SPOPL: variants seen among roughly 807,000 people sequenced by gnomAD.
SPOPL encodes speckle-type POZ protein-like.
In SPOPL, 23 loss-of-function variants were observed where a neutral mutation model predicts 53.8. The observed-to-expected ratio is 0.43, with a 90% CI of 0.31 to 0.61. The LOEUF is 0.61. Ranked by LOEUF, SPOPL falls within the 20% of genes least tolerant of loss-of-function variation. The probability of loss-of-function intolerance (pLI) is 0.12; values close to 1 mark genes in which losing one functional copy is unlikely to be tolerated. For missense variants in SPOPL, 442 were observed against 466.9 expected, an observed-to-expected ratio of 0.95 and a Z score of 0.49; for synonymous variants, 164 against 149.7, an observed-to-expected ratio of 1.10 and a Z score of -0.70.
At chr2:138,527,241 T>C (rs973261535) in intron 1 of SPOPL, among the ~76,000 whole-genome samples, 4 of 152,180 alleles carry the variant, frequency 2.6e-5, no homozygotes, top group African/African-American at 7.2e-5. Flanking sequence ...GAGGCCTGTC[T>C]ATGAACTTGT....
chr2:138,569,143 T>C lies in SPOPL; in HGVS notation c.*63T>C. ...CACTCCTCCAGGTCCAGAAGGATTC[T>C]AATACACAAACCATAAGCAAGAGTT... On this transcript the variant is annotated 3_prime_UTR_variant, in exon 11 of 11. Coordinates refer to ENST00000280098, the MANE Select transcript of SPOPL (RefSeq NM_001001664.3). The C allele has an allele frequency of 6.5e-7, 1 of 1,544,284 alleles. No individual in the cohort carries two copies. The highest frequency in any genetic ancestry group is 8.8e-7 in the Non-Finnish European group (1 of 1,131,086).
chr2:138,560,718 T>C, intron 7 of SPOPL, 87 bp from the exon 8 acceptor site: 1 of 1,413,098 alleles, frequency 7.1e-7, no homozygotes, highest in South Asian at 1.4e-5. Flanking sequence ...GATTTAGGGC[T>C]TTTAAATTAC....
At position 138,505,594 on chromosome 2, in the gene SPOPL, T is replaced by TAAAAA. The variant is rs1169614974; in HGVS notation, c.-61+3499_-61+3503dup. Reference sequence around the variant, plus strand: ...CAACATGGTGAAACTGTGTCTCTTCTAAAAAAAAAAAAAAAAAAAAAAAAA... The same window carrying TAAAAA: ...CAACATGGTGAAACTGTGTCTCTTCTAAAAAAAAAAAAAAAAAAAAAAAAAAAAAA... On this transcript the variant is annotated intron_variant, in intron 1 of 10. Coordinates refer to ENST00000280098, the MANE Select transcript of SPOPL (RefSeq NM_001001664.3). Among the ~76,000 whole-genome samples, 38 of 75,090 alleles carry TAAAAA rather than the reference T, an allele frequency of 5.1e-4. 2 individuals carry two copies. Among genetic ancestry groups the TAAAAA allele is most frequent in the African/African-American group, 2.3e-3 (32 of 14,222 alleles). 49.3% of individuals were successfully genotyped at this position (75,090 alleles called of 152,430 possible).
chr2:138,541,200 T>G (rs1685063950), intron 1 of SPOPL, among the ~76,000 whole-genome samples: 1 of 152,194 alleles, frequency 6.6e-6, no homozygotes, highest in Non-Finnish European at 1.5e-5. Context: ...TGGTCTAAAA[T>G]TCTCTTTTTT....
chr2:138,560,761 A>C (rs1388530849), intron 7 of SPOPL, 44 bp from the exon 8 acceptor site: 5 of 1,488,094 alleles, frequency 3.4e-6, no homozygotes, highest in Non-Finnish European at 2.7e-6. Flanking sequence ...ATTTGTGTGT[A>C]CTTTTTTTTT....
intron 5 of SPOPL, among the ~76,000 whole-genome samples, chr2:138,554,180 T>G (rs1411051205): frequency 6.7e-6 from 1 of 148,580 alleles, no homozygotes; most frequent in Non-Finnish European, 1.5e-5. Context: ...GAAATTAAGA[T>G]TTTTTTTTTG....
chr2:138,506,924 T>C (rs888540607), intron 1 of SPOPL, among the ~76,000 whole-genome samples: 1 of 152,118 alleles, frequency 6.6e-6, no homozygotes. Context: ...ATTTGAACTT[T>C]GGTAGAAAGA....
intron 1 of SPOPL, among the ~76,000 whole-genome samples, chr2:138,522,748 A>G (rs552496893): frequency 3.3e-5 from 5 of 152,306 alleles, no homozygotes; most frequent in South Asian, 4.1e-4. Flanking sequence ...TGAAAGACAC[A>G]GCTGTTTCTA....
intron 8 of SPOPL, among the ~76,000 whole-genome samples, chr2:138,561,988 A>G (rs1685560228): frequency 6.6e-6 from 1 of 152,170 alleles, no homozygotes; most frequent in African/African-American, 2.4e-5. Flanking sequence ...TTCTACAATA[A>G]AAGTTGAAAA....
chr2:138,537,933 T>C (rs998020193), intron 1 of SPOPL, among the ~76,000 whole-genome samples: 1 of 152,290 alleles, frequency 6.6e-6, no homozygotes, highest in East Asian at 1.9e-4. Context: ...TTTTCATTAG[T>C]GGTTCAGTCT....
chr2:138,537,334 G>C (rs1445699874), intron 1 of SPOPL, among the ~76,000 whole-genome samples: 2 of 152,090 alleles, frequency 1.3e-5, no homozygotes, highest in South Asian at 2.1e-4. Flanking sequence ...GGTCATGATC[G>C]ATTGAGCAAG....
chr2:138,521,756 C>T (rs1684563522), intron 1 of SPOPL, among the ~76,000 whole-genome samples: 1 of 152,186 alleles, frequency 6.6e-6, no homozygotes, highest in Non-Finnish European at 1.5e-5. Context: ...ATTAAAACTA[C>T]CTCCTTGCTT....
At chr2:138,545,668 T>G (rs1685178966) in intron 1 of SPOPL, among the ~76,000 whole-genome samples, 1 of 152,058 alleles carries the variant, frequency 6.6e-6, no homozygotes, top group African/African-American at 2.4e-5. Context: ...CTCGATCTTC[T>G]GACCTCATGA....
intron 9 of SPOPL, 26 bp from the exon 10 acceptor site, chr2:138,564,914 T>A (rs1208061522): frequency 1.9e-6 from 3 of 1,613,720 alleles, no homozygotes; most frequent in African/African-American, 1.3e-5. Context: ...GACTTTTTTT[T>A]AAGTATGTTT....
intron 1 of SPOPL, among the ~76,000 whole-genome samples, chr2:138,543,122 C>T (rs1685111793): frequency 6.6e-6 from 1 of 152,206 alleles, no homozygotes; most frequent in African/African-American, 2.4e-5. Flanking sequence ...GTCTGACGGG[C>T]TTCCCTTTGT....
At chr2:138,535,550 A>C (rs1483678072) in intron 1 of SPOPL, among the ~76,000 whole-genome samples, 1 of 106,106 alleles carries the variant, frequency 9.4e-6, no homozygotes, top group Non-Finnish European at 1.9e-5. Flanking sequence ...TAGCCATTCT[A>C]GTAGCTTTTT....
intron 5 of SPOPL, among the ~76,000 whole-genome samples, chr2:138,553,220 T>C (rs754319654): frequency 3.9e-5 from 6 of 152,226 alleles, no homozygotes; most frequent in East Asian, 1.9e-4. Context: ...GGTGTAATTA[T>C]GTGCATAGAA....
At chr2:138,537,155 A>G (rs1423456908) in intron 1 of SPOPL, among the ~76,000 whole-genome samples, 3 of 152,186 alleles carry the variant, frequency 2.0e-5, no homozygotes, top group Non-Finnish European at 4.4e-5. Context: ...GTGTAGCAGC[A>G]TGAGCCAAAC....
In SPOPL at chr2:138,525,168, G is replaced by A. The variant is rs530764986; in HGVS notation, c.-61+23049G>A. ...TGGCTGGGGAAGCCTCACAATCATG[G>A]CAGAAGGCAAAAGGCATGTCTCACA... On this transcript the variant is annotated intron_variant, in intron 1 of 10. Coordinates refer to ENST00000280098, the MANE Select transcript of SPOPL (RefSeq NM_001001664.3). Among the ~76,000 whole-genome samples the A allele has an allele frequency of 5.9e-5, 9 of 152,314 alleles. No individual in the cohort carries two copies. In the South Asian group the frequency reaches 1.9e-3, roughly 32 times the overall value.
Sources: allele counts gnomAD v4.1 joint callset (sites outside exome capture counted in the v4.1 genomes callset), GRCh38; gene constraint gnomAD v4.1.1; transcripts MANE v1.5; gene names NCBI Gene and HGNC (gene_info 2026-07-23, HGNC 2026-07-21).